Variants in SLC1A6 observed in about 807,000 individuals in gnomAD.
The protein encoded by SLC1A6 is solute carrier family 1 member 6.
Under a neutral mutation model 42.1 loss-of-function variants are expected in SLC1A6, and 15 were observed. The ratio of observed to expected loss-of-function variants is 0.36; its 90% confidence interval spans 0.24 to 0.55. SLC1A6 has a LOEUF of 0.55. Among genes scored for constraint, SLC1A6 ranks in the 20% least tolerant of loss-of-function variants. The pLI, the probability that SLC1A6 is intolerant of heterozygous loss-of-function variation, is 0.88. For missense variants in SLC1A6, 542 were observed against 772.5 expected (o/e 0.70, Z 3.54); for synonymous variants, 317 against 319.7 (o/e 0.99, Z 0.09).
At chr19:14,986,299 C>G (rs2145228409) in intron 1 of SLC1A6, among the ~76,000 whole-genome samples, 1 of 151,986 alleles carries the variant, frequency 6.6e-6, no homozygotes, top group East Asian at 1.9e-4. Flanking sequence ...GAGTGGATCA[C>G]CTAAGGTCAG....
intron 1 of SLC1A6, among the ~76,000 whole-genome samples, chr19:14,997,278 C>T (rs1452314883): frequency 6.6e-6 from 1 of 152,114 alleles, no homozygotes; most frequent in Non-Finnish European, 1.5e-5. Context: ...GTTGTTCCAC[C>T]TTTCTGGATG....
chr19:14,964,011 AAGAC>A (rs2045545896), intron 5 of SLC1A6: 1 of 204,704 alleles, frequency 4.9e-6, no homozygotes, highest in South Asian at 1.8e-4. Flanking sequence ...TTTTTTTTGA[AAGAC>A]AGAGAGTCTC....
chr19:14,963,591 C>A (rs1270814679), intron 5 of SLC1A6, among the ~76,000 whole-genome samples: 1 of 152,060 alleles, frequency 6.6e-6, no homozygotes, highest in Admixed American at 6.5e-5. Context: ...TGAATTTGAA[C>A]ATAAATAAAT....
intron 6 of SLC1A6, among the ~76,000 whole-genome samples, chr19:14,957,704 G>A (rs1412711669): frequency 6.6e-6 from 1 of 152,204 alleles, no homozygotes; most frequent in Non-Finnish European, 1.5e-5. Context: ...AAAGCAGGAG[G>A]TACACATAGA....
chr19:14,965,491 CAACTGATGA>C (rs2045563718), intron 4 of SLC1A6, among the ~76,000 whole-genome samples: 1 of 152,134 alleles, frequency 6.6e-6, no homozygotes, highest in African/African-American at 2.4e-5. Context: ...AAGTGCCCAT[CAACTGATGA>C]GTGCATAAAG....
At chr19:14,973,134 C>A in intron 1 of SLC1A6, 1 of 548,432 alleles carries the variant, frequency 1.8e-6, no homozygotes, top group Non-Finnish European at 3.2e-6. Context: ...GCCTGGGCAG[C>A]TAGGGGTGGT....
intron 1 of SLC1A6, among the ~76,000 whole-genome samples, chr19:14,999,664 A>C (rs2045863797): frequency 6.6e-6 from 1 of 152,150 alleles, no homozygotes; most frequent in African/African-American, 2.4e-5. Flanking sequence ...CTCTTTCAGC[A>C]ATTTTCAAGT....
chr19:14,985,723 G>A (rs1269949597), intron 1 of SLC1A6, among the ~76,000 whole-genome samples: 1 of 152,228 alleles, frequency 6.6e-6, no homozygotes, highest in Non-Finnish European at 1.5e-5. Context: ...CAGCCTTTGG[G>A]AGGCCAAGGA....
intron 1 of SLC1A6, among the ~76,000 whole-genome samples, chr19:15,005,422 T>A (rs1287389576): frequency 2.0e-5 from 3 of 151,980 alleles, no homozygotes; most frequent in Admixed American, 6.6e-5. Context: ...GGCAGGAGAA[T>A]CACTTGAACC....
intron 9 of SLC1A6, among the ~76,000 whole-genome samples, chr19:14,951,029 T>C (rs887261687): frequency 7.3e-6 from 1 of 137,706 alleles, no homozygotes. Context: ...GGTCAGGAGT[T>C]GGAGACCGGC....
intron 4 of SLC1A6, among the ~76,000 whole-genome samples, chr19:14,964,722 G>A (rs1449917355): frequency 1.3e-5 from 2 of 152,136 alleles, no homozygotes; most frequent in African/African-American, 4.8e-5. Context: ...ACACACATGT[G>A]TCAGTGATGC....
chr19:14,952,827 G>A (rs1166098720), intron 9 of SLC1A6, 101 bp downstream of exon 9: 2 of 1,418,716 alleles, frequency 1.4e-6, no homozygotes, highest in Non-Finnish European at 9.4e-7. Flanking sequence ...CTGGACCACT[G>A]CATCTTTGCT....
At position 14,968,613 on chromosome 19, in the gene SLC1A6, C is replaced by A. The variant is rs531204416; in HGVS notation, c.344-106G>T. ...TATCACCAACTCAACAGCCGACCCA[C>A]CAAGCATCCCTTTTCCTATAGCCCA... On this transcript the variant is annotated intron_variant, in intron 3 of 9. Coordinates refer to ENST00000594383, the MANE Select transcript of SLC1A6 (RefSeq NM_005071.3). 10 of 953,312 alleles carry A rather than the reference C, an allele frequency of 1.0e-5. No homozygotes were observed. The East Asian group carries it at 1.3e-4, about 13-fold the overall frequency. The allele number at this position is 953,312 out of a possible 1,614,324, so 59.1% of individuals were successfully genotyped here. A position where few individuals can be genotyped will look rare whatever the true frequency, so the allele number is the denominator to read the frequency against.
At position 14,972,705 on chromosome 19, in the gene SLC1A6, C is replaced by T. The variant is rs1443757254; in HGVS notation, c.205+1G>A. ...CCCGCCCTCCAAGAGGCAGAGCTCACCAATGACCACGGCGCTGACCGTCAG... is the reference window on the plus strand; with the variant it reads ...CCCGCCCTCCAAGAGGCAGAGCTCATCAATGACCACGGCGCTGACCGTCAG... On this transcript the variant is annotated splice_donor_variant, in intron 2 of 9. Coordinates refer to ENST00000594383, the MANE Select transcript of SLC1A6 (RefSeq NM_005071.3). LOFTEE classifies it high-confidence loss of function. The T allele has an allele frequency of 6.2e-7, 1 of 1,613,540 alleles. No individual in the cohort carries two copies. Among genetic ancestry groups the T allele is most frequent in the Non-Finnish European group, 8.5e-7 (1 of 1,179,758 alleles).
chr19:15,002,848 C>T (rs941148134), intron 1 of SLC1A6, among the ~76,000 whole-genome samples: 8 of 152,056 alleles, frequency 5.3e-5, no homozygotes, highest in African/African-American at 1.7e-4. Flanking sequence ...TGGAATTTGT[C>T]CATTGCAGGA....
At chr19:15,007,699 T>TA (rs746903418) in intron 1 of SLC1A6, among the ~76,000 whole-genome samples, 1 of 152,098 alleles carries the variant, frequency 6.6e-6, no homozygotes, top group Non-Finnish European at 1.5e-5. Context: ...TAGAGGCTCT[T>TA]AGAGTCAATC....
In SLC1A6 at chr19:14,972,782, G is replaced by A; in HGVS notation, c.129C>T (p.Thr43=). ...RALRTRLRLQ[T]MTLEHVLRFL... Reference sequence around the variant, plus strand: ...AGCGCAGCACGTGCTCGAGGGTCATGGTCTGCAGGCGCAGGCGCGTGCGCA... The same window carrying A: ...AGCGCAGCACGTGCTCGAGGGTCATAGTCTGCAGGCGCAGGCGCGTGCGCA... The change falls in exon 2 of 10, where the codon ACC becomes ACT. Residue 43 remains threonine (T), a synonymous_variant. Coordinates refer to ENST00000594383, the MANE Select transcript of SLC1A6 (RefSeq NM_005071.3). 6.2e-7 allele frequency: 1 copy of A among 1,613,820 alleles called. No individual in the cohort carries two copies. Among genetic ancestry groups the A allele is most frequent in the East Asian group, 2.2e-5 (1 of 44,874 alleles).
chr19:14,979,435 C>G lies in SLC1A6; in HGVS notation c.-134G>C, dbSNP rs2045749202. ...CCCCACACGCCTGACCCCAGCGCCTCGGATCCCCCACCTGCCCGCAACCTC... is the reference window on the plus strand; with the variant it reads ...CCCCACACGCCTGACCCCAGCGCCTGGGATCCCCCACCTGCCCGCAACCTC... On this transcript the variant is annotated 5_prime_UTR_variant, in exon 1 of 10. Transcript: ENST00000594383. This position sits in a 1 kb window ranked among gnomAD's most constrained non-coding sequence, Gnocchi z 4.2. 1 of 152,146 alleles carries G rather than the reference C, an allele frequency of 6.6e-6. No homozygotes were observed. The highest frequency in any genetic ancestry group is 2.1e-4 in the South Asian group (1 of 4,840). 9.4% of individuals were successfully genotyped at this position (152,146 alleles called of 1,614,324 possible).
intron 6 of SLC1A6, among the ~76,000 whole-genome samples, chr19:14,960,559 A>C (rs10410180): frequency 0.51 from 77,880 of 152,072 alleles, 20,228 homozygotes; most frequent in South Asian, 0.62. Context: ...GCAGAAAGGT[A>C]TGAATGAATG....
Sources: allele counts gnomAD v4.1 joint callset (sites outside exome capture counted in the v4.1 genomes callset), GRCh38; gene constraint gnomAD v4.1.1; non-coding constraint Gnocchi (gnomAD v3.1); transcripts MANE v1.5; gene names NCBI Gene and HGNC (gene_info 2026-07-23, HGNC 2026-07-21).